PARD3B: variants seen among roughly 807,000 people sequenced by gnomAD.
PARD3B encodes partitioning defective 3 homolog B.
In PARD3B, 103 loss-of-function variants were observed where a neutral mutation model predicts 130.2. The observed-to-expected ratio is 0.79, with a 90% confidence interval of 0.67 to 0.93. The LOEUF is 0.93. PARD3B is among the 40% of genes least tolerant of loss of function. The pLI is 0.00. For synonymous variants in PARD3B, 583 were observed against 553.2 expected (o/e 1.05, Z -0.76); for missense variants, 1,609 against 1,499.2 (o/e 1.07, Z -1.21).
At chr2:205,424,296 G>C (rs2047070612) in intron 19 of PARD3B, among the ~76,000 whole-genome samples, 1 of 152,062 alleles carries the variant, frequency 6.6e-6, no homozygotes, top group African/African-American at 2.4e-5. Flanking sequence ...GTTTATCCCT[G>C]TCCTAGGTAT....
intron 2 of PARD3B, among the ~76,000 whole-genome samples, chr2:204,690,776 C>A (rs1024961829): frequency 6.6e-6 from 1 of 152,096 alleles, no homozygotes; most frequent in African/African-American, 2.4e-5. Context: ...ACATACACTG[C>A]CTCTTTTCCC....
intron 15 of PARD3B, among the ~76,000 whole-genome samples, chr2:205,217,892 A>ATTTT (rs1409391243): frequency 8.9e-4 from 25 of 28,054 alleles, no homozygotes; most frequent in South Asian, 3.5e-3. Context: ...ATATATATAT[A>ATTTT]TATTTTTTTT....
At chr2:204,897,109 A>C (rs13023239) in intron 2 of PARD3B, among the ~76,000 whole-genome samples, 27,704 of 152,118 alleles carry the variant, frequency 0.18, 2,921 homozygotes, top group East Asian at 0.26. Flanking sequence ...AAATATTTTT[A>C]ACAAATTAAT....
rs1449534162 is a variant in PARD3B, at chr2:205,276,951, A to G, written c.2186-23579A>G. 6.6e-6 allele frequency among the ~76,000 whole-genome samples: 1 copy of G among 152,164 alleles called. No homozygotes were observed. Among genetic ancestry groups the G allele is most frequent in the Non-Finnish European group, 1.5e-5 (1 of 68,040 alleles). On this transcript the variant is annotated intron_variant, in intron 16 of 22. Coordinates refer to ENST00000406610, the MANE Select transcript of PARD3B (RefSeq NM_001302769.2). The surrounding 1 kb of genome is among the most constrained non-coding windows in gnomAD (Gnocchi z 5.0). ...TGGGGTGAGAGAATTTGTGTGGAAC[A>G]CCTAGCTCCATTTCTGGCACCTAGG...
chr2:205,301,975 T>G lies in PARD3B; in HGVS notation c.2630+274T>G, dbSNP rs1164670909. On this transcript the variant is annotated intron_variant, in intron 18 of 22. Coordinates refer to ENST00000406610, the MANE Select transcript of PARD3B (RefSeq NM_001302769.2). This position sits in a 1 kb window ranked among gnomAD's most constrained non-coding sequence, Gnocchi z 5.2. ...GCTCATGCCTGTAATCTCAGTACTT[T>G]GGGAGGCTGGGAGGATTGCTTGAGC... is the stretch of plus-strand genomic sequence containing the variant. 5.9e-6 allele frequency: 4 copies of G among 683,066 alleles called. No individual in the cohort carries two copies. In the East Asian group the frequency reaches 1.1e-4, roughly 19 times the overall value. 42.3% of individuals were successfully genotyped at this position (683,066 alleles called of 1,614,324 possible).
chr2:205,175,338 T>C (rs2035407959), intron 12 of PARD3B, among the ~76,000 whole-genome samples: 1 of 152,198 alleles, frequency 6.6e-6, no homozygotes, highest in African/African-American at 2.4e-5. Context: ...TCAGTTTGAC[T>C]AGCAGTTCAG....
intron 4 of PARD3B, among the ~76,000 whole-genome samples, chr2:205,076,378 C>T (rs1011791490): frequency 2.6e-5 from 4 of 152,212 alleles, no homozygotes; most frequent in Non-Finnish European, 5.9e-5. Flanking sequence ...CCACATTTAG[C>T]ATCACATCTG....
chr2:205,175,808 C>T (rs568129124), intron 12 of PARD3B, among the ~76,000 whole-genome samples: 13 of 152,240 alleles, frequency 8.5e-5, no homozygotes, highest in Middle Eastern at 3.4e-3. Flanking sequence ...GAAGATGGAT[C>T]GTAGGGGTGT....
rs1452826555 is a variant in PARD3B, at chr2:205,463,145, G to GA, written c.3044+22481dup. On this transcript the variant is annotated intron_variant, in intron 20 of 22. Transcript: ENST00000406610. The surrounding 1 kb of genome is among the most constrained non-coding windows in gnomAD (Gnocchi z 4.8). ...ACTCACCTAATTGGGGTCAACCACT[G>GA]AAAAAAAATGTGTTGCTGATTTTGT... Among the ~76,000 whole-genome samples the GA allele has an allele frequency of 2.0e-5, 3 of 151,636 alleles. No individual in the cohort carries two copies. Among genetic ancestry groups the GA allele is most frequent in the Admixed American group, 6.6e-5 (1 of 15,220 alleles).
rs1427587403 is a variant in PARD3B, at chr2:205,244,314, G to A, written c.2141-1464G>A. On this transcript the variant is annotated intron_variant, in intron 15 of 22. Transcript: ENST00000406610. This position sits in a 1 kb window ranked among gnomAD's most constrained non-coding sequence, Gnocchi z 4.7. ...TCTTCTTGTTAGCAAATTTCCCCTC[G>A]CCTTGCTTCAACCCTTGAGACCACA... Among the ~76,000 whole-genome samples the A allele has an allele frequency of 5.9e-5, 9 of 152,126 alleles. No individual in the cohort carries two copies. The highest frequency in any genetic ancestry group is 1.2e-4 in the Non-Finnish European group (8 of 68,030).
intron 10 of PARD3B, among the ~76,000 whole-genome samples, chr2:205,131,123 T>C (rs1681869742): frequency 6.6e-6 from 1 of 152,186 alleles, no homozygotes; most frequent in African/African-American, 2.4e-5. Context: ...TTCATTCCCT[T>C]TGGCTATTTG....
At chr2:205,512,879 C>CT (rs907720528) in intron 21 of PARD3B, among the ~76,000 whole-genome samples, 3 of 152,030 alleles carry the variant, frequency 2.0e-5, no homozygotes, top group African/African-American at 7.2e-5. Flanking sequence ...GAGACACCTC[C>CT]TTTTTTCTCT....
chr2:204,812,055 A>T (rs2042980457), intron 2 of PARD3B, among the ~76,000 whole-genome samples: 1 of 152,092 alleles, frequency 6.6e-6, no homozygotes, highest in Admixed American at 6.6e-5. Context: ...CACCCTTCCA[A>T]TCCATTCTAA....
chr2:204,745,933 AAAAG>A (rs994220807), intron 2 of PARD3B, among the ~76,000 whole-genome samples: 2 of 151,964 alleles, frequency 1.3e-5, no homozygotes, highest in African/African-American at 2.4e-5. Flanking sequence ...TTAATTTAAA[AAAAG>A]GGCGTAAAAC....
At chr2:204,561,314 G>A (rs1290488723) in intron 1 of PARD3B, among the ~76,000 whole-genome samples, 1 of 152,234 alleles carries the variant, frequency 6.6e-6, no homozygotes, top group East Asian at 1.9e-4. Context: ...AGTATAAATT[G>A]ATATGGGTGG....
intron 16 of PARD3B, among the ~76,000 whole-genome samples, chr2:205,267,722 T>C (rs1390136913): frequency 6.6e-6 from 1 of 152,146 alleles, no homozygotes; most frequent in Admixed American, 6.6e-5. Context: ...CAAGCTGGCT[T>C]CATTTAAAGA....
chr2:205,206,612 A>G (rs986696709), intron 15 of PARD3B, among the ~76,000 whole-genome samples: 1 of 151,112 alleles, frequency 6.6e-6, no homozygotes, highest in Admixed American at 6.6e-5. Flanking sequence ...AATCCAGTCT[A>G]TCATTATTGG....
At chr2:205,556,309 G>C (rs1386964020) in intron 22 of PARD3B, among the ~76,000 whole-genome samples, 1 of 152,130 alleles carries the variant, frequency 6.6e-6, no homozygotes, top group Non-Finnish European at 1.5e-5. Context: ...TAGTTTTTAG[G>C]AACAATTCAA....
intron 1 of PARD3B, among the ~76,000 whole-genome samples, chr2:204,641,959 A>G (rs1440899792): frequency 6.6e-6 from 1 of 152,212 alleles, no homozygotes; most frequent in East Asian, 1.9e-4. Context: ...ATGTTATTCT[A>G]TTTAGAAATA....
Sources: gnomAD v4.1 joint callset for allele counts (sites outside exome capture counted in the v4.1 genomes callset) on GRCh38, gnomAD v4.1.1 for gene constraint, Gnocchi (gnomAD v3.1) non-coding constraint, MANE v1.5 for transcripts, NCBI Gene and HGNC (gene_info 2026-07-23, HGNC 2026-07-21) for gene names.